LDAH: variants seen among roughly 807,000 people sequenced by gnomAD.
LDAH encodes lipid droplet-associated hydrolase.
Under a neutral mutation model 29.6 loss-of-function variants are expected in LDAH, and 26 were observed. The observed-to-expected ratio is 0.88, with a 90% confidence interval of 0.64 to 1.22. The LOEUF (loss-of-function observed/expected upper bound fraction) is 1.22. LDAH is among the 50% of genes most tolerant of loss of function. The pLI is 0.00. For synonymous variants in LDAH, 117 were observed against 133.0 expected (o/e 0.88, Z 0.83); for missense variants, 344 against 387.3 (o/e 0.89, Z 0.94).
At chr2:20,689,918 C>G (rs1179322029) in intron 6 of LDAH, among the ~76,000 whole-genome samples, 1 of 152,176 alleles carries the variant, frequency 6.6e-6, no homozygotes, top group African/African-American at 2.4e-5. Flanking sequence ...ATGATAATGG[C>G]AGTCAGCTCA....
At chr2:20,706,211 G>A (rs1664294220) in intron 5 of LDAH, among the ~76,000 whole-genome samples, 1 of 152,108 alleles carries the variant, frequency 6.6e-6, no homozygotes, top group Non-Finnish European at 1.5e-5. Flanking sequence ...ATTAGTGGGG[G>A]CTTAGGAGAA....
At chr2:20,753,414 C>T (rs1316166086) in intron 4 of LDAH, among the ~76,000 whole-genome samples, 1 of 152,196 alleles carries the variant, frequency 6.6e-6, no homozygotes, top group Non-Finnish European at 1.5e-5. Context: ...GGAAATACAA[C>T]TATCACTGGC....
chr2:20,821,044 T>C (rs1026092965), intron 1 of LDAH, among the ~76,000 whole-genome samples: 5 of 151,836 alleles, frequency 3.3e-5, no homozygotes, highest in African/African-American at 1.2e-4. Context: ...ATCAGAGAAA[T>C]GCAAATCAAA....
intron 1 of LDAH, among the ~76,000 whole-genome samples, chr2:20,813,042 A>G (rs897384851): frequency 8.5e-5 from 13 of 152,278 alleles, no homozygotes; most frequent in Non-Finnish European, 4.4e-5. Flanking sequence ...ATTTGAATCC[A>G]GAAATGTCTG....
intron 1 of LDAH, among the ~76,000 whole-genome samples, chr2:20,821,145 G>A (rs557459542): frequency 3.7e-4 from 57 of 152,308 alleles, no homozygotes; most frequent in Non-Finnish European, 7.5e-4. Flanking sequence ...TGGAGAAACA[G>A]GAACACTTTT....
intron 5 of LDAH, among the ~76,000 whole-genome samples, chr2:20,710,687 T>C (rs955599311): frequency 6.9e-6 from 1 of 144,980 alleles, no homozygotes; most frequent in African/African-American, 2.6e-5. Flanking sequence ...TATATACACA[T>C]ATATATTATA....
chr2:20,744,050 CT>C (rs1667399810), intron 4 of LDAH, among the ~76,000 whole-genome samples: 2 of 151,834 alleles, frequency 1.3e-5, no homozygotes, highest in Admixed American at 6.6e-5. Context: ...TTTCTCTTTG[CT>C]TTTTCCTTAG....
In LDAH at chr2:20,685,810, G is replaced by C; in HGVS notation, c.*1093C>G. 2.3e-6 allele frequency: 2 copies of C among 868,776 alleles called. No individual in the cohort carries two copies. Among genetic ancestry groups the C allele is most frequent in the Non-Finnish European group, 3.3e-6 (2 of 613,014 alleles). 53.8% of individuals were successfully genotyped at this position (868,776 alleles called of 1,614,324 possible). On this transcript the variant is annotated 3_prime_UTR_variant, in exon 7 of 7. Transcript: ENST00000237822. ...TCTCTGCCATACCTCAATGTGTCTA[G>C]AGAAGGTGAATTCACATAACTTAAT...
At chr2:20,697,881 T>C (rs1272211774) in intron 6 of LDAH, among the ~76,000 whole-genome samples, 1 of 152,210 alleles carries the variant, frequency 6.6e-6, no homozygotes, top group Non-Finnish European at 1.5e-5. Context: ...TGCCTATATT[T>C]TGTCATCTAT....
intron 4 of LDAH, among the ~76,000 whole-genome samples, chr2:20,771,086 T>C (rs1344459177): frequency 1.3e-5 from 2 of 152,212 alleles, no homozygotes; most frequent in Admixed American, 1.3e-4. Context: ...ATGAAGAATA[T>C]CTCTAATTCT....
intron 3 of LDAH, among the ~76,000 whole-genome samples, chr2:20,783,988 C>T (rs1477786311): frequency 3.3e-5 from 5 of 152,186 alleles, no homozygotes; most frequent in Admixed American, 2.0e-4. Context: ...GCTGGAATTA[C>T]GGGCGTGTAT....
intron 2 of LDAH, among the ~76,000 whole-genome samples, chr2:20,792,145 T>G (rs1284821501): frequency 6.6e-6 from 1 of 152,078 alleles, no homozygotes; most frequent in African/African-American, 2.4e-5. Context: ...CATTAATATA[T>G]TACTTTACAA....
chr2:20,740,158 C>T lies in LDAH; in HGVS notation c.516G>A (p.Glu172=). Residue 172 remains glutamate (E), a synonymous_variant, in exon 5 of 7, where the codon GAG becomes GAA. Coordinates refer to ENST00000237822, the MANE Select transcript of LDAH (RefSeq NM_021925.4). ...GAGTGGCAATTCTGCCATTGGGTGA[C>T]TCAGACATTCGTTCAATTGTTGGAA... ...LLFPTIERMS[E]SPNGRIATPL... is the part of the protein sequence containing the mutation. 1.2e-6 allele frequency: 2 copies of T among 1,614,090 alleles called. No individual in the cohort carries two copies. Among genetic ancestry groups the T allele is most frequent in the Non-Finnish European group, 1.7e-6 (2 of 1,179,960 alleles).
At chr2:20,787,682 A>T (rs143309911) in intron 3 of LDAH, among the ~76,000 whole-genome samples, 167 of 152,320 alleles carry the variant, frequency 1.1e-3, no homozygotes, top group African/African-American at 3.7e-3. Context: ...ATTTATTTTT[A>T]AAAAAATTCT....
At chr2:20,767,303 T>C (rs1313931038) in intron 4 of LDAH, among the ~76,000 whole-genome samples, 1 of 151,946 alleles carries the variant, frequency 6.6e-6, no homozygotes, top group Non-Finnish European at 1.5e-5. Context: ...CCCCCTCCCT[T>C]GCCCTTGAAG....
chr2:20,725,351 G>A (rs1665938571), intron 5 of LDAH, among the ~76,000 whole-genome samples: 3 of 152,148 alleles, frequency 2.0e-5, no homozygotes, highest in East Asian at 3.9e-4. Context: ...CTGTGGATGG[G>A]TACTTATTTA....
At chr2:20,812,790 C>T (rs1672586232) in intron 1 of LDAH, among the ~76,000 whole-genome samples, 1 of 152,128 alleles carries the variant, frequency 6.6e-6, no homozygotes, top group African/African-American at 2.4e-5. Context: ...TAACAAATGT[C>T]CAAGAGCGTA....
intron 6 of LDAH, among the ~76,000 whole-genome samples, chr2:20,693,981 G>T (rs1344824067): frequency 6.6e-6 from 1 of 152,222 alleles, no homozygotes; most frequent in Middle Eastern, 3.2e-3. Context: ...AGAAAAATAT[G>T]TCATTCCTGC....
At chr2:20,808,747 A>G (rs1047920203) in intron 1 of LDAH, among the ~76,000 whole-genome samples, 1 of 152,202 alleles carries the variant, frequency 6.6e-6, no homozygotes, top group Non-Finnish European at 1.5e-5. Context: ...TTTAATAAAA[A>G]TATACCATTA....
Sources: allele counts gnomAD v4.1 joint callset (sites outside exome capture counted in the v4.1 genomes callset), GRCh38; gene constraint gnomAD v4.1.1; transcripts MANE v1.5; gene names NCBI Gene and HGNC (gene_info 2026-07-23, HGNC 2026-07-21).